CCDC149: variants seen among roughly 807,000 people sequenced by gnomAD.
CCDC149 encodes the protein coiled-coil domain-containing protein 149.
In CCDC149, 45 loss-of-function variants were observed where a neutral mutation model predicts 59.9. That is an observed-to-expected ratio of 0.75 (90% CI 0.59 to 0.96). CCDC149 has a LOEUF of 0.96. Ranked by LOEUF, CCDC149 falls within the 40% of genes least tolerant of loss-of-function variation. The pLI is 0.00. For missense variants in CCDC149, 584 were observed against 664.7 expected (o/e 0.88, Z 1.33); for synonymous variants, 245 against 260.6 (o/e 0.94, Z 0.58).
chr4:24,904,454 A>C (rs552112072), intron 1 of CCDC149, among the ~76,000 whole-genome samples: 1 of 152,320 alleles, frequency 6.6e-6, no homozygotes, highest in East Asian at 1.9e-4. Context: ...TAATTTTTTA[A>C]AAAAGAAAGT....
intron 1 of CCDC149, among the ~76,000 whole-genome samples, chr4:24,885,892 T>C (rs1465943273): frequency 6.6e-6 from 1 of 152,200 alleles, no homozygotes; most frequent in Non-Finnish European, 1.5e-5. Flanking sequence ...TTAGGAATAA[T>C]AAGAAGACCT....
chr4:24,878,545 A>G (rs1359502911), intron 1 of CCDC149, among the ~76,000 whole-genome samples: 1 of 152,214 alleles, frequency 6.6e-6, no homozygotes, highest in Admixed American at 6.5e-5. Flanking sequence ...CAGGAAAAAT[A>G]CCATTTACAC....
chr4:24,884,256 T>C (rs764144636), intron 1 of CCDC149, among the ~76,000 whole-genome samples: 6 of 152,222 alleles, frequency 3.9e-5, no homozygotes, highest in Non-Finnish European at 7.3e-5. Flanking sequence ...TATGTTTAAA[T>C]ACACAAACAT....
intron 1 of CCDC149, among the ~76,000 whole-genome samples, chr4:24,961,676 C>A (rs902141369): frequency 2.0e-5 from 3 of 152,182 alleles, no homozygotes; most frequent in African/African-American, 7.2e-5. Flanking sequence ...ACTATCTGAT[C>A]TTTGACAAAC....
At chr4:24,808,923 A>G (rs1714409193) in intron 12 of CCDC149, 104 bp from the exon 13 acceptor site, 1 of 1,118,726 alleles carries the variant, frequency 8.9e-7, no homozygotes, top group Non-Finnish European at 1.2e-6. Context: ...AGGGCCTCTG[A>G]AAAAGGAGCA....
intron 1 of CCDC149, among the ~76,000 whole-genome samples, chr4:24,952,604 A>G (rs1477510067): frequency 6.6e-4 from 18 of 27,386 alleles, no homozygotes; most frequent in East Asian, 1.6e-3. Context: ...TCAAAAAAAA[A>G]AAAAAAAAAA....
chr4:24,933,960 T>C (rs1722664898), intron 1 of CCDC149, among the ~76,000 whole-genome samples: 1 of 152,192 alleles, frequency 6.6e-6, no homozygotes, highest in South Asian at 2.1e-4. Flanking sequence ...CAATAAGTTA[T>C]TCATATGTTT....
chr4:24,935,413 G>A (rs559491644), intron 1 of CCDC149, among the ~76,000 whole-genome samples: 68 of 152,136 alleles, frequency 4.5e-4, no homozygotes, highest in African/African-American at 1.5e-3. Context: ...ATTTTAGTTC[G>A]GCAGTATACT....
At chr4:24,876,842 A>C (rs1478675242) in intron 1 of CCDC149, 145 bp from the exon 2 acceptor site, 2 of 766,954 alleles carry the variant, frequency 2.6e-6, no homozygotes, top group Non-Finnish European at 2.1e-6. Flanking sequence ...TTTTCAGCAA[A>C]TGACATGTAC....
At chr4:24,825,413 A>G (rs1715663406) in intron 9 of CCDC149, among the ~76,000 whole-genome samples, 1 of 152,194 alleles carries the variant, frequency 6.6e-6, no homozygotes, top group Non-Finnish European at 1.5e-5. Context: ...ACTGAGACTC[A>G]GAAAGGTCAC....
chr4:24,834,221 T>A (rs1400347445), intron 8 of CCDC149, among the ~76,000 whole-genome samples: 1 of 152,234 alleles, frequency 6.6e-6, no homozygotes, highest in Non-Finnish European at 1.5e-5. Context: ...GACTGCCATA[T>A]GATAGTTGCT....
chr4:24,804,538 C>CTGTGG (rs1714056677), downstream of CCDC149, among the ~76,000 whole-genome samples: 1 of 149,052 alleles, frequency 6.7e-6, no homozygotes, highest in Non-Finnish European at 1.5e-5. Flanking sequence ...ATCCACAAGG[C>CTGTGG]TGTGGGAAAA....
At chr4:24,857,350 G>A (rs1336735065) in intron 3 of CCDC149, among the ~76,000 whole-genome samples, 1 of 152,120 alleles carries the variant, frequency 6.6e-6, no homozygotes, top group East Asian at 1.9e-4. Flanking sequence ...AAGAAGACAA[G>A]AAGATAAAAC....
chr4:24,851,414 C>G (rs1717647949), intron 4 of CCDC149, among the ~76,000 whole-genome samples: 2 of 152,184 alleles, frequency 1.3e-5, no homozygotes, highest in African/African-American at 4.8e-5. Context: ...AAGCGCGTGC[C>G]ACCACGCCTG....
At chr4:24,968,735 T>C (rs1723877284) in intron 1 of CCDC149, among the ~76,000 whole-genome samples, 1 of 152,218 alleles carries the variant, frequency 6.6e-6, no homozygotes, top group African/African-American at 2.4e-5. Flanking sequence ...TATTGGGCAG[T>C]ATGGATGGTG....
intron 1 of CCDC149, among the ~76,000 whole-genome samples, chr4:24,906,642 C>A (rs535760249): frequency 6.6e-6 from 1 of 152,102 alleles, no homozygotes; most frequent in South Asian, 2.1e-4. Flanking sequence ...GGGTGATACG[C>A]CTGCCTCAGC....
intron 1 of CCDC149, among the ~76,000 whole-genome samples, chr4:24,954,140 A>G (rs1423927562): frequency 1.3e-5 from 2 of 152,232 alleles, no homozygotes; most frequent in East Asian, 3.9e-4. Context: ...CCCAAATTTT[A>G]TGAAAGACAT....
intron 1 of CCDC149, among the ~76,000 whole-genome samples, chr4:24,899,358 C>G (rs1339167702): frequency 6.6e-6 from 1 of 152,116 alleles, no homozygotes; most frequent in African/African-American, 2.4e-5. Flanking sequence ...ACAGAAGGAG[C>G]ATGAGTTCCA....
chr4:24,811,868 G>A lies in CCDC149; in HGVS notation c.1193-3049C>T, dbSNP rs986680480. On this transcript the variant is annotated intron_variant, in intron 12 of 12. Transcript: ENST00000635206. ...AGCCTGGGCTACAGAGTGAGACTCCGACTCAAAAAAAAAAAAAAAAAATTT... is the reference window on the plus strand; with the variant it reads ...AGCCTGGGCTACAGAGTGAGACTCCAACTCAAAAAAAAAAAAAAAAAATTT... Among the ~76,000 whole-genome samples the A allele has an allele frequency of 9.3e-5, 7 of 75,282 alleles. No homozygotes were observed. The East Asian group carries it at 1.7e-3, about 19-fold the overall frequency. 49.4% of individuals were successfully genotyped at this position (75,282 alleles called of 152,430 possible). A position where few individuals can be genotyped will look rare whatever the true frequency, so the allele number is the denominator to read the frequency against.
Sources: gnomAD v4.1 joint callset for allele counts (sites outside exome capture counted in the v4.1 genomes callset) on GRCh38, gnomAD v4.1.1 for gene constraint, MANE v1.5 for transcripts, NCBI Gene and HGNC (gene_info 2026-07-23, HGNC 2026-07-21) for gene names.